The following HLCS variants were observed in gnomAD, a reference collection of about 807,000 sequenced individuals.
HLCS encodes the protein holocarboxylase synthetase, also known as biotin--protein ligase.
A neutral mutation model predicts 75.0 loss-of-function variants in HLCS; 53 were observed. That is an observed-to-expected ratio of 0.71 (90% CI 0.57 to 0.89). The LOEUF (loss-of-function observed/expected upper bound fraction) is 0.89, where lower values mean the gene tolerates loss of function less well. HLCS is among the 40% of genes least tolerant of loss of function. HLCS has a pLI of 0.00. For synonymous variants in HLCS, 431 were observed against 428.6 expected (o/e 1.01, Z -0.07); for missense variants, 966 against 1,074.0 (o/e 0.90, Z 1.41).
chr21:36,756,210 G>A (rs923709958), intron 10 of HLCS, among the ~76,000 whole-genome samples: 12 of 151,890 alleles, frequency 7.9e-5, no homozygotes, highest in Non-Finnish European at 1.5e-4. Context: ...AGGCCAAGGC[G>A]GGCAGATCAC....
At position 36,936,434 on chromosome 21, in the gene HLCS, T is replaced by C. The variant is rs752413701; in HGVS notation, c.1437+15A>G. 2.5e-6 allele frequency: 4 copies of C among 1,602,216 alleles called. No homozygotes were observed. The African/African-American group carries it at 4.0e-5, about 16-fold the overall frequency. ...AGATACCCAAAGATCACCAAATCCATGCTGCCCTGAGTACCTGGCAAAGAA... is the reference window on the plus strand; with the variant it reads ...AGATACCCAAAGATCACCAAATCCACGCTGCCCTGAGTACCTGGCAAAGAA... On this transcript the variant is annotated intron_variant, in intron 4 of 10. Transcript: ENST00000674895.
At chr21:36,896,095 A>C (rs560208004) in intron 6 of HLCS, among the ~76,000 whole-genome samples, 89 of 152,354 alleles carry the variant, frequency 5.8e-4, no homozygotes, top group African/African-American at 2.1e-3. Flanking sequence ...CACGCCTAAA[A>C]TCCCAGCACT....
At chr21:36,835,173 G>T (rs1027501931) in intron 6 of HLCS, among the ~76,000 whole-genome samples, 1 of 152,174 alleles carries the variant, frequency 6.6e-6, no homozygotes, top group Non-Finnish European at 1.5e-5. Context: ...ATTCCAAGAC[G>T]TCTGATTCAG....
At chr21:36,796,868 C>CT (rs35181716) in intron 6 of HLCS, among the ~76,000 whole-genome samples, 145 of 146,374 alleles carry the variant, frequency 9.9e-4, no homozygotes, top group African/African-American at 1.2e-3. Context: ...TTATCATGAT[C>CT]TTTTTTTTTT....
intron 1 of HLCS, among the ~76,000 whole-genome samples, chr21:36,989,037 TA>T (rs1399823294): frequency 5.5e-4 from 73 of 133,846 alleles, no homozygotes; most frequent in Middle Eastern, 7.6e-3. Context: ...TTTATTTATT[TA>T]TTTATTTATT....
At chr21:36,807,357 T>C (rs769740734) in intron 6 of HLCS, among the ~76,000 whole-genome samples, 2 of 152,278 alleles carry the variant, frequency 1.3e-5, no homozygotes, top group East Asian at 3.9e-4. Context: ...CTAGGCCACA[T>C]GTCAGCATTA....
chr21:36,757,268 T>C (rs777194421), intron 9 of HLCS, among the ~76,000 whole-genome samples: 3 of 152,210 alleles, frequency 2.0e-5, no homozygotes, highest in South Asian at 2.1e-4. Context: ...GAAATGCATC[T>C]TTTAATACTT....
intron 6 of HLCS, among the ~76,000 whole-genome samples, chr21:36,884,211 G>A (rs907350280): frequency 3.3e-5 from 5 of 152,180 alleles, no homozygotes; most frequent in East Asian, 1.9e-4. Flanking sequence ...ATCCTTTTCC[G>A]AAGCTTTTGT....
intron 5 of HLCS, among the ~76,000 whole-genome samples, chr21:36,903,684 T>G (rs748920756): frequency 6.6e-5 from 10 of 152,234 alleles, no homozygotes; most frequent in Non-Finnish European, 1.3e-4. Flanking sequence ...CCAGATTGAC[T>G]ATGGTATACA....
intron 4 of HLCS, among the ~76,000 whole-genome samples, chr21:36,934,404 G>A (rs1011346441): frequency 2.0e-5 from 3 of 152,194 alleles, no homozygotes; most frequent in Non-Finnish European, 4.4e-5. Flanking sequence ...GAGAAACTCT[G>A]TCATCAAAGG....
chr21:36,845,987 G>A (rs921530375), intron 6 of HLCS, among the ~76,000 whole-genome samples: 2 of 152,134 alleles, frequency 1.3e-5, no homozygotes, highest in Non-Finnish European at 2.9e-5. Flanking sequence ...GAGTGACCTC[G>A]AAGCCTCTGT....
At position 36,754,184 on chromosome 21, in the gene HLCS, C is replaced by A; in HGVS notation, c.*62G>T. On this transcript the variant is annotated 3_prime_UTR_variant, in exon 11 of 11. Coordinates refer to ENST00000674895, the MANE Select transcript of HLCS (RefSeq NM_001352514.2). ...AGGAAAAGAAAATTCACCTACAACTCTAAATTAGATTTCCAGATGCATGGG... is the reference window on the plus strand; with the variant it reads ...AGGAAAAGAAAATTCACCTACAACTATAAATTAGATTTCCAGATGCATGGG... 1.3e-6 allele frequency: 2 copies of A among 1,525,440 alleles called. No homozygotes were observed. The highest frequency in any genetic ancestry group is 2.7e-5 in the African/African-American group (2 of 73,292). 94.5% of individuals were successfully genotyped at this position (1,525,440 alleles called of 1,614,324 possible). A position where few individuals can be genotyped will look rare whatever the true frequency, so the allele number is the denominator to read the frequency against.
At chr21:36,873,051 T>C (rs2063825855) in intron 6 of HLCS, among the ~76,000 whole-genome samples, 1 of 152,222 alleles carries the variant, frequency 6.6e-6, no homozygotes, top group Non-Finnish European at 1.5e-5. Flanking sequence ...ACTGTGCTTT[T>C]AATCTGCATT....
chr21:36,886,214 G>A (rs1601625998), intron 6 of HLCS, among the ~76,000 whole-genome samples: 1 of 151,708 alleles, frequency 6.6e-6, no homozygotes, highest in Non-Finnish European at 1.5e-5. Context: ...GGCGGATCAC[G>A]AGGTCAGGAA....
intron 5 of HLCS, among the ~76,000 whole-genome samples, chr21:36,927,081 CGTGTGTTT>C (rs1437509748): frequency 1.3e-5 from 2 of 152,146 alleles, no homozygotes; most frequent in Middle Eastern, 6.3e-3. Flanking sequence ...GTGTGGTAAA[CGTGTGTTT>C]GTGTGTTTGT....
chr21:36,972,651 G>T (rs2068822545), intron 1 of HLCS, among the ~76,000 whole-genome samples: 1 of 152,194 alleles, frequency 6.6e-6, no homozygotes, highest in Admixed American at 6.5e-5. Context: ...CAAAGCCATA[G>T]ATTTATATTT....
At position 36,937,101 on chromosome 21, in the gene HLCS, C is replaced by T; in HGVS notation, c.785G>A (p.Ser262Asn). Residue 262 changes from serine (S) to asparagine (N), a missense_variant, in exon 4 of 11, where the codon AGC becomes AAC. Ser to Asn is a conservative substitution (Grantham distance 46). Coordinates refer to ENST00000674895, the MANE Select transcript of HLCS (RefSeq NM_001352514.2). ...CGCAAACTTGACTGACTCAATGGTGCTGTTCTCAAGTTCCAGACACTCGTG... is the reference window on the plus strand; with the variant it reads ...CGCAAACTTGACTGACTCAATGGTGTTGTTCTCAAGTTCCAGACACTCGTG... The part of the protein sequence containing the change: ...SCHECLELEN[S>N]TIESVKFASA... 1 of 1,614,150 alleles carries T rather than the reference C, an allele frequency of 6.2e-7. No homozygotes were observed.
At chr21:36,981,677 G>A (rs991322511) in intron 1 of HLCS, among the ~76,000 whole-genome samples, 2 of 152,088 alleles carry the variant, frequency 1.3e-5, no homozygotes, top group Admixed American at 1.3e-4. Flanking sequence ...TGGGGTTACA[G>A]CTGTAAGCCA....
intron 6 of HLCS, among the ~76,000 whole-genome samples, chr21:36,792,979 C>A (rs2060914783): frequency 6.6e-6 from 1 of 152,200 alleles, no homozygotes; most frequent in African/African-American, 2.4e-5. Context: ...GTTTCCCTTT[C>A]ATTTGCATGT....
Sources: gnomAD v4.1 joint callset for allele counts (sites outside exome capture counted in the v4.1 genomes callset) on GRCh38, gnomAD v4.1.1 for gene constraint, MANE v1.5 for transcripts, NCBI Gene and HGNC (gene_info 2026-07-23, HGNC 2026-07-21) for gene names.